LARGE1: variants seen among roughly 807,000 people sequenced by gnomAD.
LARGE1 encodes xylosyl- and glucuronyltransferase LARGE1.
A neutral mutation model predicts 87.6 loss-of-function variants in LARGE1; 43 were observed. That is an observed-to-expected ratio of 0.49 (90% CI 0.38 to 0.63). The LOEUF is 0.63. LARGE1 is among the 30% of genes least tolerant of loss of function. The pLI is 0.00. For missense variants in LARGE1, 802 were observed against 1,000.2 expected (o/e 0.80, Z 2.67); for synonymous variants, 434 against 394.6 (o/e 1.10, Z -1.18).
chr22:33,231,500 AC>A (rs1240495134), intron 11 of LARGE1, among the ~76,000 whole-genome samples: 1 of 152,274 alleles, frequency 6.6e-6, no homozygotes, highest in African/African-American at 2.4e-5. Context: ...CATGCTCAAT[AC>A]AAGTTAGCAT....
chr22:33,703,873 T>C (rs973641182), intron 2 of LARGE1, among the ~76,000 whole-genome samples: 1 of 152,198 alleles, frequency 6.6e-6, no homozygotes, highest in Non-Finnish European at 1.5e-5. Context: ...TTTGATACAG[T>C]AGCAACAGAA....
intron 11 of LARGE1, among the ~76,000 whole-genome samples, chr22:33,209,391 C>T (rs1262280318): frequency 1.3e-5 from 2 of 152,192 alleles, no homozygotes; most frequent in Non-Finnish European, 2.9e-5. Context: ...ATGAGACTCA[C>T]ACAGGGTGCC....
At chr22:33,252,928 TGG>T (rs1927076610) in intron 11 of LARGE1, among the ~76,000 whole-genome samples, 1 of 152,198 alleles carries the variant, frequency 6.6e-6, no homozygotes, top group African/African-American at 2.4e-5. Flanking sequence ...AGACAAGGGA[TGG>T]ATACATGGGG....
intron 6 of LARGE1, among the ~76,000 whole-genome samples, chr22:33,439,615 C>T (rs1472144387): frequency 1.3e-5 from 2 of 152,138 alleles, no homozygotes; most frequent in African/African-American, 2.4e-5. Context: ...ATGGGATCTA[C>T]TCCGGTGGCT....
intron 5 of LARGE1, among the ~76,000 whole-genome samples, chr22:33,597,394 A>ATT (rs2079007549): frequency 6.6e-6 from 1 of 151,864 alleles, no homozygotes; most frequent in Admixed American, 6.6e-5. Context: ...TTCAGGAAGC[A>ATT]TAGCTTCCCA....
chr22:33,216,116 G>C (rs779341632), intron 11 of LARGE1, among the ~76,000 whole-genome samples: 1 of 152,126 alleles, frequency 6.6e-6, no homozygotes, highest in Non-Finnish European at 1.5e-5. Context: ...TTCCTGCATT[G>C]TTCTTCAATA....
chr22:33,858,126 T>C (rs1351851081), intron 1 of LARGE1, among the ~76,000 whole-genome samples: 2 of 152,192 alleles, frequency 1.3e-5, no homozygotes, highest in South Asian at 2.1e-4. Context: ...CCGTGACTAG[T>C]GTTCAACTCG....
chr22:33,864,990 G>A (rs930135372), intron 1 of LARGE1, among the ~76,000 whole-genome samples: 30 of 152,170 alleles, frequency 2.0e-4, no homozygotes, highest in African/African-American at 7.0e-4. Context: ...AGGTTGGTTC[G>A]CAGTTTCTGA....
At chr22:33,370,861 A>C (rs2064781763) in intron 9 of LARGE1, among the ~76,000 whole-genome samples, 1 of 149,410 alleles carries the variant, frequency 6.7e-6, no homozygotes, top group African/African-American at 2.4e-5. Flanking sequence ...ATATTAATAA[A>C]TTAATAATAT....
chr22:33,719,733 G>A (rs1298538318), intron 2 of LARGE1, among the ~76,000 whole-genome samples: 1 of 152,000 alleles, frequency 6.6e-6, no homozygotes, highest in Non-Finnish European at 1.5e-5. Flanking sequence ...TATTAGCCAG[G>A]ATGGTCCTGA....
intron 7 of LARGE1, among the ~76,000 whole-genome samples, chr22:33,428,384 C>G (rs1307632437): frequency 6.7e-6 from 1 of 149,592 alleles, no homozygotes; most frequent in Non-Finnish European, 1.5e-5. Context: ...GGCATGATCT[C>G]GGCTCACTGC....
intron 2 of LARGE1, among the ~76,000 whole-genome samples, chr22:33,657,981 T>G (rs1295340587): frequency 6.6e-6 from 1 of 151,580 alleles, no homozygotes; most frequent in Non-Finnish European, 1.5e-5. Flanking sequence ...ACTAGTTCCA[T>G]GTCATCCCAG....
intron 6 of LARGE1, among the ~76,000 whole-genome samples, chr22:33,438,054 AG>A (rs1363941433): frequency 5.3e-5 from 8 of 151,976 alleles, no homozygotes; most frequent in Non-Finnish European, 1.0e-4. Context: ...CTTCTAGGAG[AG>A]AAGTCCCCTC....
intron 6 of LARGE1, among the ~76,000 whole-genome samples, chr22:33,466,620 A>T (rs2068622869): frequency 6.6e-6 from 1 of 151,808 alleles, no homozygotes; most frequent in Admixed American, 6.6e-5. Flanking sequence ...CACTATCCCA[A>T]GGAAAGAACA....
intron 2 of LARGE1, among the ~76,000 whole-genome samples, chr22:33,746,770 C>A (rs1349155067): frequency 6.6e-6 from 1 of 152,194 alleles, no homozygotes; most frequent in Non-Finnish European, 1.5e-5. Flanking sequence ...TTGTGCAAGA[C>A]AAACAGTAGG....
chr22:33,526,851 G>A (rs201699046), intron 6 of LARGE1, among the ~76,000 whole-genome samples: 269 of 152,326 alleles, frequency 1.8e-3, no homozygotes, highest in Non-Finnish European at 3.4e-3. Flanking sequence ...AAGGGGTTGT[G>A]AATACAAAGA....
intron 3 of LARGE1, among the ~76,000 whole-genome samples, chr22:33,643,958 T>C (rs2080525010): frequency 1.3e-5 from 2 of 152,252 alleles, no homozygotes; most frequent in Non-Finnish European, 2.9e-5. Context: ...ACCAGATGGA[T>C]TCACAGCCAA....
chr22:33,770,624 C>T (rs908748652), intron 1 of LARGE1, among the ~76,000 whole-genome samples: 127 of 152,014 alleles, frequency 8.4e-4, no homozygotes, highest in African/African-American at 2.9e-3. Context: ...TTTGAGGCTG[C>T]AGTGAACTAA....
chr22:33,620,506 A>T (rs2079715073), intron 4 of LARGE1, among the ~76,000 whole-genome samples: 2 of 152,100 alleles, frequency 1.3e-5, no homozygotes, highest in Admixed American at 6.5e-5. Context: ...GCTATTTTCT[A>T]CTGGGTAACA....
Sources: allele counts gnomAD v4.1 joint callset (sites outside exome capture counted in the v4.1 genomes callset), GRCh38; gene constraint gnomAD v4.1.1; transcripts MANE v1.5; gene names NCBI Gene and HGNC (gene_info 2026-07-23, HGNC 2026-07-21).